PXDN: variants seen among roughly 807,000 people sequenced by gnomAD.
The protein encoded by PXDN is peroxidasin homolog.
In PXDN, 77 loss-of-function variants were observed where a neutral mutation model predicts 140.3. The ratio of observed to expected loss-of-function variants is 0.55; its 90% CI spans 0.46 to 0.66. The LOEUF (loss-of-function observed/expected upper bound fraction) is 0.66. Ranked by LOEUF, PXDN falls within the 30% of genes least tolerant of loss-of-function variation. PXDN has a pLI of 0.00. For synonymous variants in PXDN, 911 were observed against 857.4 expected (o/e 1.06, Z -1.09); for missense variants, 1,838 against 2,039.5 (o/e 0.90, Z 1.90).
intron 21 of PXDN, 44 bp downstream of exon 21, chr2:1,638,802 G>A: frequency 1.2e-6 from 2 of 1,613,090 alleles, no homozygotes; most frequent in South Asian, 2.2e-5. Context: ...CTGTGCTGCT[G>A]TGGAATCTTG....
rs80053278 is a variant in PXDN at position 1,663,720 on chromosome 2, C to T, written c.1452G>A (p.Ser484=). The T allele has an allele frequency of 9.3e-6, 15 of 1,613,668 alleles. No individual in the cohort carries two copies. Among genetic ancestry groups the T allele is most frequent in the East Asian group, 4.5e-5 (2 of 44,870 alleles). ...CAACACCAGAGATTCTAAGTGTTCC[C>T]GATGACAGGACCAGGTGCCGCCGGT... ...SVDRRHLVLS[S]GTLRISGVAL... The change falls in exon 12 of 23, where the codon TCG becomes TCA. Residue 484 remains serine (S), a synonymous_variant. Coordinates refer to ENST00000252804, the MANE Select transcript of PXDN (RefSeq NM_012293.3).
At chr2:1,635,672 A>G (rs980740505) in intron 21 of PXDN, 151 bp from the exon 22 acceptor site, 28 of 699,054 alleles carry the variant, frequency 4.0e-5, no homozygotes, top group Admixed American at 1.5e-4. Flanking sequence ...AGAATCTCCA[A>G]TGTCCTTATT....
At chr2:1,731,163 C>G (rs1685305863) in intron 1 of PXDN, among the ~76,000 whole-genome samples, 1 of 151,924 alleles carries the variant, frequency 6.6e-6, no homozygotes, top group Non-Finnish European at 1.5e-5. Flanking sequence ...CACACACACA[C>G]ACACACACAC....
At chr2:1,739,677 G>C (rs1685496451) in intron 1 of PXDN, among the ~76,000 whole-genome samples, 1 of 152,098 alleles carries the variant, frequency 6.6e-6, no homozygotes, top group African/African-American at 2.4e-5. Context: ...AACACACACT[G>C]TCTTGGGGAT....
At chr2:1,650,510 A>C (rs940138171) in intron 16 of PXDN, among the ~76,000 whole-genome samples, 1 of 152,214 alleles carries the variant, frequency 6.6e-6, no homozygotes, top group African/African-American at 2.4e-5. Flanking sequence ...TTCAGATCCT[A>C]GTCTTCGCCT....
chr2:1,732,294 G>C (rs1168581362), intron 1 of PXDN, among the ~76,000 whole-genome samples: 1 of 152,158 alleles, frequency 6.6e-6, no homozygotes, highest in Non-Finnish European at 1.5e-5. Flanking sequence ...GCCCTCCCGG[G>C]ATAGGGAGAG....
chr2:1,660,623 T>C lies in PXDN; in HGVS notation c.1837+258A>G, dbSNP rs540814385. Reference sequence around the variant, plus strand: ...AGTGGATGGGCTGCAGGGTAAGACATTGCCCAGTGGACAGGCTGCAGGACA... The same window carrying C: ...AGTGGATGGGCTGCAGGGTAAGACACTGCCCAGTGGACAGGCTGCAGGACA... On this transcript the variant is annotated intron_variant, in intron 14 of 22. Coordinates refer to ENST00000252804, the MANE Select transcript of PXDN (RefSeq NM_012293.3). This position sits in a 1 kb window ranked among gnomAD's most constrained non-coding sequence, Gnocchi z 4.6. Among the ~76,000 whole-genome samples the C allele has an allele frequency of 1.3e-5, 2 of 152,154 alleles. No individual in the cohort carries two copies. Among genetic ancestry groups the C allele is most frequent in the East Asian group, 1.9e-4 (1 of 5,160 alleles).
At chr2:1,726,485 C>T (rs1177335196) in intron 1 of PXDN, among the ~76,000 whole-genome samples, 2 of 150,886 alleles carry the variant, frequency 1.3e-5, no homozygotes, top group African/African-American at 2.4e-5. Flanking sequence ...TGCTAAATGA[C>T]GAGTTAATGG....
chr2:1,644,826 C>T (rs1682815114), intron 17 of PXDN, 74 bp from the exon 18 acceptor site: 1 of 1,302,956 alleles, frequency 7.7e-7, no homozygotes, highest in African/African-American at 1.5e-5. Context: ...AATATAAAAA[C>T]AGTTCTTTCT....
intron 17 of PXDN, among the ~76,000 whole-genome samples, chr2:1,646,774 T>C (rs903392597): frequency 2.0e-5 from 3 of 152,244 alleles, no homozygotes; most frequent in Non-Finnish European, 2.9e-5. Flanking sequence ...TTTCTTCTTT[T>C]TAAAACAATG....
At chr2:1,716,470 A>C (rs931223866) in intron 1 of PXDN, among the ~76,000 whole-genome samples, 31 of 142,218 alleles carry the variant, frequency 2.2e-4, no homozygotes, top group Admixed American at 1.5e-3. Context: ...AAAAAAAAAA[A>C]CCAGGGTGGC....
chr2:1,694,547 C>G (rs1044294036), intron 1 of PXDN, among the ~76,000 whole-genome samples: 1 of 152,248 alleles, frequency 6.6e-6, no homozygotes, highest in African/African-American at 2.4e-5. Flanking sequence ...CATCATTCCA[C>G]GCCGTGCCCT....
In PXDN at chr2:1,663,688, T is replaced by C. The variant is rs2125425496; in HGVS notation, c.1484A>G (p.His495Arg). 6.2e-7 allele frequency: 1 copy of C among 1,613,956 alleles called. No individual in the cohort carries two copies. The highest frequency in any genetic ancestry group is 8.5e-7 in the Non-Finnish European group (1 of 1,179,888). Residue 495 changes from histidine (H) to arginine (R), a missense_variant, in exon 12 of 23, where the codon CAC becomes CGC. By Grantham distance (29) the His-to-Arg change is conservative. This residue lies in a region of PXDN where 537 missense variants were observed against 583.9 expected (regional missense o/e 0.92). Transcript: ENST00000252804. Reference protein sequence around the residue: ...GTLRISGVALHDQGQYECQAV... With the variant: ...GTLRISGVALRDQGQYECQAV... ...CTGGCATTCGTACTGGCCCTGGTCG[T>C]GGAGGGCAACACCAGAGATTCTAAG...
intron 11 of PXDN, 193 bp downstream of exon 11, chr2:1,664,765 G>A (rs939981464): frequency 3.6e-6 from 2 of 554,940 alleles, no homozygotes; most frequent in Non-Finnish European, 6.4e-6. Context: ...CATGAGGGAC[G>A]GCCATGCATG....
Position 1,651,219 on chromosome 2 carries a change from G to A in PXDN, c.2105-1544C>T, listed in dbSNP as rs1377362623. ...GAGCCAAGAAAGCAGAGTGCCAGGA[G>A]GAAAAGCACTTCCTCCCAAATGCCT... On this transcript the variant is annotated intron_variant, in intron 16 of 22. Transcript: ENST00000252804. The surrounding 1 kb of genome is among the most constrained non-coding windows in gnomAD (Gnocchi z 4.4). Among the ~76,000 whole-genome samples, 1 of 152,180 alleles carries A rather than the reference G, an allele frequency of 6.6e-6. No individual in the cohort carries two copies. The highest frequency in any genetic ancestry group is 1.5e-5 in the Non-Finnish European group (1 of 68,032).
intron 19 of PXDN, among the ~76,000 whole-genome samples, chr2:1,642,567 T>C (rs1267672471): frequency 6.6e-6 from 1 of 152,236 alleles, no homozygotes; most frequent in Non-Finnish European, 1.5e-5. Context: ...CCTGCTTCTC[T>C]CACCACAAGA....
At chr2:1,697,593 G>C (rs548058156) in intron 1 of PXDN, among the ~76,000 whole-genome samples, 2 of 142,494 alleles carry the variant, frequency 1.4e-5, no homozygotes, top group Admixed American at 1.5e-4. Context: ...ATAATAAATA[G>C]TTCCACAAAT....
At position 1,651,934 on chromosome 2, in the gene PXDN, C is replaced by T. The variant is rs1189343485; in HGVS notation, c.2104+1694G>A. Among the ~76,000 whole-genome samples the T allele has an allele frequency of 6.6e-6, 1 of 152,210 alleles. No individual in the cohort carries two copies. The highest frequency in any genetic ancestry group is 1.5e-5 in the Non-Finnish European group (1 of 68,040). On this transcript the variant is annotated intron_variant, in intron 16 of 22. Coordinates refer to ENST00000252804, the MANE Select transcript of PXDN (RefSeq NM_012293.3). This position sits in a 1 kb window ranked among gnomAD's most constrained non-coding sequence, Gnocchi z 4.4. ...GGCCCTGGCCCAGGACAATGACTGG[C>T]ATAGAGGGTGTGCCCTGACAGGCAG...
chr2:1,711,344 ACT>A (rs1416943928), intron 1 of PXDN, among the ~76,000 whole-genome samples: 1 of 24,290 alleles, frequency 4.1e-5, no homozygotes. Context: ...ACCAGCACCC[ACT>A]CTCCACCAGC....
Sources: allele counts gnomAD v4.1 joint callset (sites outside exome capture counted in the v4.1 genomes callset), GRCh38; gene constraint gnomAD v4.1.1; regional missense constraint gnomAD v4.1.1; non-coding constraint Gnocchi (gnomAD v3.1); transcripts MANE v1.5; gene names NCBI Gene and HGNC (gene_info 2026-07-23, HGNC 2026-07-21).